ATP2B1: variants seen among roughly 807,000 people sequenced by gnomAD.
The protein encoded by ATP2B1 is plasma membrane calcium-transporting ATPase 1.
ATP2B1 carries 14 observed loss-of-function variants against 124.2 expected under a neutral mutation model. That is an observed-to-expected ratio of 0.11 (90% CI 0.07 to 0.18). The LOEUF is 0.18. ATP2B1 is among the 10% of genes least tolerant of loss of function. The pLI is 1.00. For missense variants in ATP2B1, 763 were observed against 1,466.1 expected (o/e 0.52, Z 7.83); for synonymous variants, 449 against 492.4 (o/e 0.91, Z 1.17).
At chr12:89,668,366 C>G (rs1887554032) in intron 1 of ATP2B1, among the ~76,000 whole-genome samples, 1 of 152,046 alleles carries the variant, frequency 6.6e-6, no homozygotes, top group Admixed American at 6.6e-5. Flanking sequence ...TCAAGCTCTC[C>G]TAACAGAAAA....
intron 3 of ATP2B1, among the ~76,000 whole-genome samples, chr12:89,637,879 C>T (rs553033624): frequency 2.6e-5 from 4 of 152,192 alleles, no homozygotes; most frequent in Admixed American, 6.5e-5. Context: ...GAAAGAATTA[C>T]GGACAATTAT....
chr12:89,610,042 A>G lies in ATP2B1; in HGVS notation c.2337T>C (p.Gly779=). The G allele has an allele frequency of 6.2e-7, 1 of 1,609,788 alleles. No homozygotes were observed. Residue 779 remains glycine, a splice_region_variant and synonymous_variant, in exon 15 of 21, where the codon GGT becomes GGC. Transcript: ENST00000428670. ...GGTCTGAGACAGTGCTGTCAATTAT[A>G]CCTTAAATACAAGCAAATATTTGTG... ...SPTDKHTLVK[G]IIDSTVSDQR...
At chr12:89,648,432 T>C (rs921656557) in intron 2 of ATP2B1, among the ~76,000 whole-genome samples, 2 of 152,104 alleles carry the variant, frequency 1.3e-5, no homozygotes, top group Non-Finnish European at 2.9e-5. Flanking sequence ...CTGTGGAAGT[T>C]TGAACTTAAG....
rs914117946 is a variant in ATP2B1, at chr12:89,650,114, T to C, written c.208+5565A>G. On this transcript the variant is annotated intron_variant, in intron 2 of 20. Transcript: ENST00000428670. ...TAAATTACCCTGCCTCAGGTATTTC[T>C]TTATAGCAGTGCGCAAACGGAGTAA... Among the ~76,000 whole-genome samples, 13 of 152,216 alleles carry C rather than the reference T, an allele frequency of 8.5e-5. No individual in the cohort carries two copies. The East Asian group carries it at 9.6e-4, about 11-fold the overall frequency.
At chr12:89,655,420 A>G (rs986186154) in intron 2 of ATP2B1, among the ~76,000 whole-genome samples, 1 of 152,232 alleles carries the variant, frequency 6.6e-6, no homozygotes, top group African/African-American at 2.4e-5. Context: ...TTTTTATCAT[A>G]AACAGGAAGC....
At chr12:89,646,719 G>A (rs1884499766) in intron 2 of ATP2B1, among the ~76,000 whole-genome samples, 1 of 152,208 alleles carries the variant, frequency 6.6e-6, no homozygotes, top group African/African-American at 2.4e-5. Flanking sequence ...GAGCTGAACG[G>A]ACAGTGGGAA....
intron 1 of ATP2B1, among the ~76,000 whole-genome samples, chr12:89,695,395 C>T (rs12296179): frequency 0.013 from 1,984 of 152,074 alleles, 40 homozygotes; most frequent in African/African-American, 0.044. Context: ...ACGGTCTACC[C>T]TAGCAATCAT....
At chr12:89,643,208 A>G (rs1206877289) in intron 2 of ATP2B1, among the ~76,000 whole-genome samples, 1 of 150,690 alleles carries the variant, frequency 6.6e-6, no homozygotes, top group Non-Finnish European at 1.5e-5. Flanking sequence ...ATATGTGTGT[A>G]TATGTGTATA....
At chr12:89,704,007 C>T (rs1328978380) in intron 1 of ATP2B1, among the ~76,000 whole-genome samples, 1 of 152,120 alleles carries the variant, frequency 6.6e-6, no homozygotes, top group African/African-American at 2.4e-5. Context: ...GCTGGAGAAC[C>T]ACACCTTTCT....
chr12:89,655,766 T>G lies in ATP2B1; in HGVS notation c.121A>C (p.Arg41=), dbSNP rs972045741. Reference sequence around the variant, plus strand: ...ATTTTTCGTAATGCATCTGTGGACCTGAGCTCCATGAGAGCCCGCAGCTCT... The same window carrying G: ...ATTTTTCGTAATGCATCTGTGGACCGGAGCTCCATGAGAGCCCGCAGCTCT... ...LAELRALMEL[R]STDALRKIQE... The change falls in exon 2 of 21, where the codon AGG becomes CGG. Residue 41 remains arginine, a synonymous_variant. Coordinates refer to ENST00000428670, the MANE Select transcript of ATP2B1 (RefSeq NM_001366521.1). 1 of 1,614,220 alleles carries G rather than the reference T, an allele frequency of 6.2e-7. No individual in the cohort carries two copies. Among genetic ancestry groups the G allele is most frequent in the African/African-American group, 1.3e-5 (1 of 75,068 alleles).
rs1341776424 is a variant in ATP2B1, at chr12:89,628,858, G to A, written c.929-1142C>T. On this transcript the variant is annotated intron_variant, in intron 6 of 20. Transcript: ENST00000428670. ...GAGCTCAAGTTTGGAGAGACCAGAC[G>A]GCCACAGTCCAGGCCACTGAGGGAA... 5.3e-5 allele frequency among the ~76,000 whole-genome samples: 8 copies of A among 152,064 alleles called. No homozygotes were observed. In the East Asian group the frequency reaches 1.5e-3, roughly 29 times the overall value.
At position 89,624,457 on chromosome 12, in the gene ATP2B1, C is replaced by A. The variant is rs12818945; in HGVS notation, c.1130-60G>T. ...TTAAATTTCCAGACACTAACCCTTGCCAGATATAAATTAAACACTGTAAAG... is the reference window on the plus strand; with the variant it reads ...TTAAATTTCCAGACACTAACCCTTGACAGATATAAATTAAACACTGTAAAG... On this transcript the variant is annotated intron_variant, in intron 8 of 20. Transcript: ENST00000428670. 0.053 allele frequency: 72,175 copies of A among 1,359,474 alleles called. 2,313 individuals carry two copies. The highest frequency in any genetic ancestry group is 0.1 in the East Asian group (4,200 of 42,116). The allele number at this position is 1,359,474 out of a possible 1,614,324, so 84.2% of individuals were successfully genotyped here.
intron 7 of ATP2B1, among the ~76,000 whole-genome samples, chr12:89,626,842 GAGGCATAC>G (rs1007882933): frequency 3.3e-5 from 5 of 152,260 alleles, no homozygotes; most frequent in African/African-American, 1.2e-4. Flanking sequence ...TAATGAGGAT[GAGGCATAC>G]AGGGTCCTTA....
chr12:89,648,142 T>C (rs146783417), intron 2 of ATP2B1, among the ~76,000 whole-genome samples: 144 of 152,286 alleles, frequency 9.5e-4, no homozygotes, highest in African/African-American at 3.1e-3. Flanking sequence ...GCTATAAAGA[T>C]ACCTTAAAAA....
At chr12:89,643,437 C>T (rs952581101) in intron 2 of ATP2B1, among the ~76,000 whole-genome samples, 6 of 151,954 alleles carry the variant, frequency 3.9e-5, no homozygotes, top group Admixed American at 3.3e-4. Context: ...TGTTATACTT[C>T]GATTGATATA....
chr12:89,598,065 C>CAAAAAAAAAAAAAAA (rs1565797438), intron 20 of ATP2B1, among the ~76,000 whole-genome samples: 3 of 49,678 alleles, frequency 6.0e-5, no homozygotes, highest in Non-Finnish European at 9.0e-5. Context: ...AAAAAAAAAT[C>CAAAAAAAAAAAAAAA]AAAGCAAGGC....
intron 20 of ATP2B1, among the ~76,000 whole-genome samples, chr12:89,597,377 C>T (rs1874824455): frequency 6.6e-6 from 1 of 152,148 alleles, no homozygotes; most frequent in Non-Finnish European, 1.5e-5. Context: ...GAACACTTTG[C>T]TTTACATCAT....
chr12:89,649,004 T>C (rs1884885395), intron 2 of ATP2B1, among the ~76,000 whole-genome samples: 1 of 152,258 alleles, frequency 6.6e-6, no homozygotes, highest in Non-Finnish European at 1.5e-5. Context: ...TGGAGGAGGC[T>C]TGGCAGTTTT....
At chr12:89,627,004 ACT>A (rs1429703802) in intron 7 of ATP2B1, among the ~76,000 whole-genome samples, 2 of 152,074 alleles carry the variant, frequency 1.3e-5, no homozygotes, top group African/African-American at 4.8e-5. Flanking sequence ...TGCATATATG[ACT>A]CTTAAATAAA....
Sources: allele counts gnomAD v4.1 joint callset (sites outside exome capture counted in the v4.1 genomes callset), GRCh38; gene constraint gnomAD v4.1.1; transcripts MANE v1.5; gene names NCBI Gene and HGNC (gene_info 2026-07-23, HGNC 2026-07-21).